The following MAP1LC3A variants were observed in gnomAD, a reference collection of about 807,000 sequenced individuals.
The protein encoded by MAP1LC3A is microtubule-associated protein 1 light chain 3 alpha.
MAP1LC3A carries 10 observed loss-of-function variants against 15.2 expected under a neutral mutation model. That is an observed-to-expected ratio of 0.66 (90% confidence interval 0.41 to 1.12). The LOEUF (loss-of-function observed/expected upper bound fraction) is 1.12, where lower values mean the gene tolerates loss of function less well. Ranked by LOEUF, MAP1LC3A falls within the 50% of genes most tolerant of loss-of-function variation. The probability of loss-of-function intolerance (pLI) is 0.00; values close to 1 mark genes in which losing one functional copy is unlikely to be tolerated. For synonymous variants in MAP1LC3A, 63 were observed against 64.3 expected (o/e 0.98, Z 0.10); for missense variants, 138 against 167.3 (o/e 0.82, Z 0.97).
In MAP1LC3A at chr20:34,559,933, C is replaced by G. The variant is rs6059915; in HGVS notation, c.*35C>G. 0.82 allele frequency: 1,308,388 copies of G among 1,588,460 alleles called. 541,557 individuals are homozygous for G. Among genetic ancestry groups the G allele is most frequent in the Admixed American group, 0.93 (52,736 of 56,668 alleles). ...AGGGGGGCTCGGCCTGGGAGTCGGG[C>G]GGCCCCGGTCAGGCCCTGCCCAGAG... On this transcript the variant is annotated 3_prime_UTR_variant, in exon 4 of 4. Transcript: ENST00000360668.
upstream of MAP1LC3A, among the ~76,000 whole-genome samples, chr20:34,555,005 G>A (rs1290599837): frequency 2.0e-5 from 3 of 151,706 alleles, no homozygotes; most frequent in Non-Finnish European, 4.4e-5. Context: ...ACCACACCTG[G>A]CCTATTTTTT....
upstream of MAP1LC3A, among the ~76,000 whole-genome samples, chr20:34,555,833 C>T (rs1272523968): frequency 6.7e-6 from 1 of 149,942 alleles, no homozygotes; most frequent in African/African-American, 2.5e-5. Context: ...GGCCCCCCTC[C>T]CAAGTTTTCT....
At chr20:34,552,371 C>T (rs1053714181) in intron 2 of MAP1LC3A, among the ~76,000 whole-genome samples, 3 of 152,236 alleles carry the variant, frequency 2.0e-5, no homozygotes, top group Admixed American at 6.5e-5. Context: ...TGTGTTTGAA[C>T]GCTTTCATAA....
chr20:34,559,687 G>A (rs1343474989), intron 3 of MAP1LC3A, 49 bp from the exon 4 acceptor site: 10 of 1,554,956 alleles, frequency 6.4e-6, no homozygotes, highest in East Asian at 2.2e-5. Flanking sequence ...GGCTATGTCC[G>A]TCCCGCAGCC....
rs934689604 is a variant in MAP1LC3A at position 34,549,819 on chromosome 20, C to T, written c.-73-86C>T. The T allele has an allele frequency of 3.5e-5, 22 of 625,368 alleles. No individual in the cohort carries two copies. The African/African-American group carries it at 4.0e-4, about 11-fold the overall frequency. The allele number at this position is 625,368 out of a possible 1,614,324, so 38.7% of individuals were successfully genotyped here. A position where few individuals can be genotyped will look rare whatever the true frequency, so the allele number is the denominator to read the frequency against. On this transcript the variant is annotated intron_variant, in intron 1 of 4. Coordinates refer to the MAP1LC3A transcript ENST00000374837. ...TTAGGGAGAGGTGATTTCAGCACTT[C>T]TGGTTCAGCCAGTCTTCAATCTCGT... is the stretch of plus-strand genomic sequence containing the variant.
chr20:34,557,799 C>T (rs1041166137), upstream of MAP1LC3A, among the ~76,000 whole-genome samples: 10 of 152,062 alleles, frequency 6.6e-5, no homozygotes, highest in Non-Finnish European at 1.0e-4. Flanking sequence ...GTGGCAGGCG[C>T]CTGTAATCCC....
At chr20:34,557,206 AACC>A (rs1341310075), upstream of MAP1LC3A, among the ~76,000 whole-genome samples, 1 of 152,118 alleles carries the variant, frequency 6.6e-6, no homozygotes, top group Non-Finnish European at 1.5e-5. Context: ...GGTGAATGTA[AACC>A]ACATTTTCTA....
At chr20:34,559,300 C>CCCCCCCCG in intron 2 of MAP1LC3A, 37 bp downstream of exon 2, 2 of 1,579,284 alleles carry the variant, frequency 1.3e-6, no homozygotes, top group Non-Finnish European at 1.7e-6. Flanking sequence ...CCGCCCCCGC[C>CCCCCCCCG]TCGCGCGTTC....
rs919136885 is a variant in MAP1LC3A, at chr20:34,560,040, C to T, written c.*142C>T. ...CCCCCCTAGTCAGAGGGCACCAACC[C>T]ACCTACTCTGCCCCTGGGTGGATCC... is the stretch of plus-strand genomic sequence containing the variant. On this transcript the variant is annotated 3_prime_UTR_variant, in exon 4 of 4. Transcript: ENST00000360668. The T allele has an allele frequency of 1.2e-6, 1 of 807,114 alleles. No homozygotes were observed. Among genetic ancestry groups the T allele is most frequent in the African/African-American group, 1.7e-5 (1 of 57,358 alleles). 50.0% of individuals were successfully genotyped at this position (807,114 alleles called of 1,614,324 possible).
chr20:34,558,895 G>A lies in MAP1LC3A; in HGVS notation c.27G>A (p.Gln9=). The A allele has an allele frequency of 7.0e-7, 1 of 1,421,092 alleles. No homozygotes were observed. Among genetic ancestry groups the A allele is most frequent in the South Asian group, 1.4e-5 (1 of 70,090 alleles). 88.0% of individuals were successfully genotyped at this position (1,421,092 alleles called of 1,614,324 possible). The change falls in exon 1 of 4, where the codon CAG becomes CAA. Residue 9 remains glutamine, a synonymous_variant. Coordinates refer to ENST00000360668, the MANE Select transcript of MAP1LC3A (RefSeq NM_032514.4). The surrounding 1 kb of genome is among the most constrained non-coding windows in gnomAD (Gnocchi z 4.3). MPSDRPFK[Q]RRSFADRCKE... The stretch of plus-strand genomic sequence containing the variant: ...TGCCCTCAGACCGGCCTTTCAAGCA[G>A]CGGCGGAGCTTCGGTGAGGCCCGGC...
chr20:34,547,184 G>A (rs1174866325), intron 1 of MAP1LC3A, among the ~76,000 whole-genome samples: 1 of 152,138 alleles, frequency 6.6e-6, no homozygotes, highest in Non-Finnish European at 1.5e-5. Context: ...AGTTTGACGG[G>A]TTCGGCAGGT....
intron 2 of MAP1LC3A, among the ~76,000 whole-genome samples, chr20:34,552,183 A>G (rs1009856922): frequency 6.6e-6 from 1 of 152,164 alleles, no homozygotes; most frequent in Non-Finnish European, 1.5e-5. Flanking sequence ...TTTTTAGTAG[A>G]GACGGGGTTT....
chr20:34,556,586 A>G (rs1982166760), upstream of MAP1LC3A, among the ~76,000 whole-genome samples: 1 of 149,136 alleles, frequency 6.7e-6, no homozygotes, highest in African/African-American at 2.5e-5. Context: ...TGTTCTTAAT[A>G]TATTTTCAGC....
intron 1 of MAP1LC3A, among the ~76,000 whole-genome samples, chr20:34,548,705 CTTTTT>C (rs112988331): frequency 2.8e-5 from 4 of 142,316 alleles, no homozygotes; most frequent in African/African-American, 5.2e-5. Flanking sequence ...CCTTCGCTGC[CTTTTT>C]TTTTTTTTTT....
chr20:34,559,075 A>G (rs2146680081), intron 1 of MAP1LC3A, 133 bp from the exon 2 acceptor site: 3 of 1,337,922 alleles, frequency 2.2e-6, no homozygotes, highest in South Asian at 3.5e-5. Flanking sequence ...GATAGGTGCC[A>G]GGGGCTGTGG....
intron 2 of MAP1LC3A, among the ~76,000 whole-genome samples, chr20:34,553,081 C>A (rs1022570107): frequency 6.6e-6 from 1 of 151,976 alleles, no homozygotes; most frequent in African/African-American, 2.4e-5. Context: ...CCCAGCCACT[C>A]GGGAGGCTGA....
upstream of MAP1LC3A, among the ~76,000 whole-genome samples, chr20:34,554,383 TTTTTTTTTTTA>T: frequency 2.6e-5 from 1 of 37,866 alleles, no homozygotes; most frequent in African/African-American, 9.9e-5. Context: ...TTTTTTTTTT[TTTTTTTTTTTA>T]GACAAACTCT....
upstream of MAP1LC3A, among the ~76,000 whole-genome samples, chr20:34,554,812 C>T (rs1354753980): frequency 6.6e-6 from 1 of 151,858 alleles, no homozygotes; most frequent in Admixed American, 6.6e-5. Context: ...GGACTACAGA[C>T]ACGTGCCACC....
upstream of MAP1LC3A, chr20:34,558,523 G>A (rs533680178): frequency 1.1e-5 from 12 of 1,088,406 alleles, no homozygotes; most frequent in African/African-American, 1.6e-4. This position sits in a 1 kb window ranked among gnomAD's most constrained non-coding sequence, Gnocchi z 4.3. Flanking sequence ...TTCGGGCTGC[G>A]GGAGAAGCTC....
Sources: allele counts gnomAD v4.1 joint callset (sites outside exome capture counted in the v4.1 genomes callset), GRCh38; gene constraint gnomAD v4.1.1; non-coding constraint Gnocchi (gnomAD v3.1); transcripts MANE v1.5; gene names NCBI Gene and HGNC (gene_info 2026-07-23, HGNC 2026-07-21).